The following RCAN2 variants were observed in gnomAD, a reference collection of about 807,000 sequenced individuals.
The protein encoded by RCAN2 is regulator of calcineurin 2.
In RCAN2, 9 loss-of-function variants were observed where a neutral mutation model predicts 23.6. That is an observed-to-expected ratio of 0.38 (90% confidence interval 0.23 to 0.67). The LOEUF (loss-of-function observed/expected upper bound fraction) is 0.67, where lower values mean the gene tolerates loss of function less well. RCAN2 is among the 30% of genes least tolerant of loss of function. The probability of loss-of-function intolerance (pLI) is 0.51; values close to 1 mark genes in which losing one functional copy is unlikely to be tolerated. For missense variants in RCAN2, 273 were observed against 302.3 expected (o/e 0.90, Z 0.72); for synonymous variants, 109 against 115.7 (o/e 0.94, Z 0.37).
intron 2 of RCAN2, among the ~76,000 whole-genome samples, chr6:46,390,666 C>T (rs111794080): frequency 0.016 from 2,456 of 152,262 alleles, 78 homozygotes; most frequent in African/African-American, 0.056. Context: ...TAACTTCATT[C>T]TGTAGGATTA....
intron 2 of RCAN2, among the ~76,000 whole-genome samples, chr6:46,324,133 T>TGGGTCTCTGCATGC (rs1025711874): frequency 1.3e-5 from 2 of 152,236 alleles, no homozygotes; most frequent in African/African-American, 4.8e-5. Flanking sequence ...GGCAGGACTG[T>TGGGTCTCTGCATGC]GGGTCTCTGC....
intron 2 of RCAN2, among the ~76,000 whole-genome samples, chr6:46,343,230 G>T (rs1764383499): frequency 6.6e-6 from 1 of 151,844 alleles, no homozygotes; most frequent in Non-Finnish European, 1.5e-5. Flanking sequence ...GAATACAAGG[G>T]AACAACATAT....
chr6:46,344,088 A>C (rs1764412199), intron 2 of RCAN2, among the ~76,000 whole-genome samples: 1 of 152,214 alleles, frequency 6.6e-6, no homozygotes, highest in African/African-American at 2.4e-5. Flanking sequence ...GGGCATGAGG[A>C]GTTTTTCTGG....
At chr6:46,435,353 A>T (rs917559401) in intron 2 of RCAN2, among the ~76,000 whole-genome samples, 1 of 152,204 alleles carries the variant, frequency 6.6e-6, no homozygotes, top group Non-Finnish European at 1.5e-5. Flanking sequence ...CTATTTTGCT[A>T]TGATGCTTCC....
rs540619645 is a variant in RCAN2 at position 46,456,656 on chromosome 6, A to G, written c.225+96T>C. The G allele has an allele frequency of 9.4e-6, 9 of 953,628 alleles. No homozygotes were observed. In the East Asian group the frequency reaches 1.3e-4, roughly 14 times the overall value. The allele number at this position is 953,628 out of a possible 1,614,324, so 59.1% of individuals were successfully genotyped here. On this transcript the variant is annotated intron_variant, in intron 2 of 4. Transcript: ENST00000371374. ...AAAATAGAGCCAACTAAACATTTCC[A>G]AAAACTTCAAAACACCAACCACAAA... is the stretch of plus-strand genomic sequence containing the variant.
Position 46,479,899 on chromosome 6 carries a change from C to T in RCAN2, c.-3+11274G>A, listed in dbSNP as rs534646205. ...CCCAGCCACATTTCTTTATCCACAG[C>T]AAAACTAAACATACTGGACCAGTGT... On this transcript the variant is annotated intron_variant, in intron 1 of 4. Coordinates refer to ENST00000371374, the MANE Select transcript of RCAN2 (RefSeq NM_001251974.2). 4.0e-4 allele frequency among the ~76,000 whole-genome samples: 61 copies of T among 152,100 alleles called. 1 individual carries two copies. The highest frequency in any genetic ancestry group is 1.1e-3 in the African/African-American group (47 of 41,480).
intron 2 of RCAN2, 91 bp from the exon 3 acceptor site, chr6:46,248,987 T>A: frequency 1.2e-6 from 1 of 866,126 alleles, no homozygotes; most frequent in Non-Finnish European, 1.7e-6. Context: ...ACTAAATAAA[T>A]AGGCTGTTAA....
intron 1 of RCAN2, among the ~76,000 whole-genome samples, chr6:46,480,395 A>G (rs562655986): frequency 6.6e-6 from 1 of 152,348 alleles, no homozygotes; most frequent in African/African-American, 2.4e-5. Flanking sequence ...TCCAAGTTCC[A>G]CAAAAGAAGA....
intron 2 of RCAN2, among the ~76,000 whole-genome samples, chr6:46,423,290 C>T (rs1046261823): frequency 2.0e-5 from 3 of 152,182 alleles, no homozygotes; most frequent in Non-Finnish European, 4.4e-5. Flanking sequence ...TAAGATCACA[C>T]TGTTGATTAT....
At chr6:46,422,260 C>T (rs941528367) in intron 2 of RCAN2, among the ~76,000 whole-genome samples, 4 of 152,172 alleles carry the variant, frequency 2.6e-5, no homozygotes, top group African/African-American at 7.2e-5. Context: ...CCTCTCTGGC[C>T]TCCTTTCTAG....
At chr6:46,490,681 T>C (rs1769114006) in intron 1 of RCAN2, among the ~76,000 whole-genome samples, 1 of 152,178 alleles carries the variant, frequency 6.6e-6, no homozygotes, top group South Asian at 2.1e-4. Context: ...CTCAGCCCGC[T>C]GCACCTCAGT....
intron 2 of RCAN2, among the ~76,000 whole-genome samples, chr6:46,249,518 C>G (rs1766638135): frequency 6.6e-6 from 1 of 150,944 alleles, no homozygotes; most frequent in African/African-American, 2.4e-5. Context: ...TGGGGTTTCA[C>G]CATGCTGGCC....
intron 2 of RCAN2, among the ~76,000 whole-genome samples, chr6:46,249,540 G>A (rs568935942): frequency 1.5e-4 from 23 of 151,182 alleles, no homozygotes; most frequent in Non-Finnish European, 2.2e-4. Flanking sequence ...GGCTGGTCTC[G>A]AACTCCGGAC....
intron 2 of RCAN2, among the ~76,000 whole-genome samples, chr6:46,250,116 G>A (rs1250885482): frequency 6.6e-6 from 1 of 152,192 alleles, no homozygotes; most frequent in African/African-American, 2.4e-5. Context: ...ATACAGAGAT[G>A]AGTATCACAT....
At chr6:46,392,049 A>T (rs191678530) in intron 2 of RCAN2, among the ~76,000 whole-genome samples, 1 of 152,364 alleles carries the variant, frequency 6.6e-6, no homozygotes, top group Admixed American at 6.5e-5. Flanking sequence ...TAAATGCCAC[A>T]AAGATTTATG....
At chr6:46,396,837 T>C (rs2150400924) in intron 2 of RCAN2, among the ~76,000 whole-genome samples, 1 of 152,228 alleles carries the variant, frequency 6.6e-6, no homozygotes, top group South Asian at 2.1e-4. Context: ...CTTGGCTGGG[T>C]GCGGTGGCTC....
intron 2 of RCAN2, among the ~76,000 whole-genome samples, chr6:46,350,706 A>G (rs1187182924): frequency 6.6e-6 from 1 of 152,242 alleles, no homozygotes; most frequent in Non-Finnish European, 1.5e-5. Flanking sequence ...TCTTGTTTCT[A>G]CAATTAGAAA....
At chr6:46,310,478 A>G (rs968571202) in intron 2 of RCAN2, among the ~76,000 whole-genome samples, 4 of 152,124 alleles carry the variant, frequency 2.6e-5, no homozygotes, top group African/African-American at 9.7e-5. Flanking sequence ...GGAATGAATG[A>G]GAAGCATGCA....
At chr6:46,459,878 T>G (rs955400597) in intron 1 of RCAN2, among the ~76,000 whole-genome samples, 1 of 152,224 alleles carries the variant, frequency 6.6e-6, no homozygotes, top group Non-Finnish European at 1.5e-5. Flanking sequence ...TTGCAATTTT[T>G]ACTGCATGAA....
Sources: gnomAD v4.1 joint callset for allele counts (sites outside exome capture counted in the v4.1 genomes callset) on GRCh38, gnomAD v4.1.1 for gene constraint, MANE v1.5 for transcripts, NCBI Gene and HGNC (gene_info 2026-07-23, HGNC 2026-07-21) for gene names.